FBN2: variants seen among roughly 807,000 people sequenced by gnomAD.
The protein encoded by FBN2 is fibrillin 2, also known as fibrillin-2.
A neutral mutation model predicts 355.6 loss-of-function variants in FBN2; 105 were observed. The observed-to-expected ratio is 0.30, with a 90% CI of 0.25 to 0.35. FBN2 has a LOEUF of 0.35. FBN2 is among the 10% of genes least tolerant of loss of function. The pLI is 1.00. For synonymous variants in FBN2, 1,350 were observed against 1,301.2 expected, an observed-to-expected ratio of 1.04 and a Z score of -0.81; for missense variants, 3,280 against 3,758.7, an observed-to-expected ratio of 0.87 and a Z score of 3.33.
Position 128,519,327 on chromosome 5 carries a change from C to T in FBN2, c.574G>A (p.Gly192Arg), listed in dbSNP as rs376398925. 23 of 1,613,800 alleles carry T rather than the reference C, an allele frequency of 1.4e-5. 1 individual carries two copies. Among genetic ancestry groups the T allele is most frequent in the South Asian group, 4.4e-5 (4 of 91,064 alleles). The change falls in exon 5 of 65, where the codon GGA (glycine) becomes AGA (arginine). Residue 192 changes from glycine to arginine, a missense_variant. Gly to Arg is a moderately radical substitution (Grantham distance 125). Coordinates refer to ENST00000262464, the MANE Select transcript of FBN2 (RefSeq NM_001999.4). ...NGCQNGGRCI[G>R]PNRCACVYGF... ...TAAACACAAGCACAGCGGTTGGGTC[C>T]GATGCAACGTCCACCATTCTGACAT...
chr5:128,287,477 T>C, intron 53 of FBN2, 47 bp from the exon 54 acceptor site: 2 of 1,609,098 alleles, frequency 1.2e-6, no homozygotes, highest in South Asian at 1.1e-5. Flanking sequence ...GAGTTCTAAT[T>C]ATTTGTGTAA....
chr5:128,528,692 T>C (rs1412010779), intron 3 of FBN2, among the ~76,000 whole-genome samples: 1 of 152,192 alleles, frequency 6.6e-6, no homozygotes, highest in African/African-American at 2.4e-5. Context: ...ACCAGCCAGC[T>C]AACACAGGGC....
intron 63 of FBN2, 30 bp from the exon 64 acceptor site, chr5:128,261,937 C>A (rs1163085488): frequency 6.3e-7 from 1 of 1,597,798 alleles, no homozygotes; most frequent in Admixed American, 1.7e-5. Context: ...TATTGTTAGA[C>A]TTTATCACTG....
intron 11 of FBN2, among the ~76,000 whole-genome samples, chr5:128,381,184 T>C (rs1333282985): frequency 6.6e-6 from 1 of 152,118 alleles, no homozygotes; most frequent in Non-Finnish European, 1.5e-5. Context: ...TAACAGCAGT[T>C]TGACTTATAC....
chr5:128,292,039 C>T (rs562895949), intron 48 of FBN2, among the ~76,000 whole-genome samples: 1 of 151,978 alleles, frequency 6.6e-6, no homozygotes, highest in Non-Finnish European at 1.5e-5. Flanking sequence ...CCCATGTCAC[C>T]CCTATTTCTC....
chr5:128,446,662 C>CT, intron 6 of FBN2, 56 bp from the exon 7 acceptor site: 49 of 1,570,740 alleles, frequency 3.1e-5, no homozygotes, highest in Middle Eastern at 1.7e-4. Context: ...AATATCTATA[C>CT]TTTTTTTTAC....
intron 54 of FBN2, among the ~76,000 whole-genome samples, chr5:128,287,070 T>A (rs1749174073): frequency 6.6e-6 from 1 of 152,184 alleles, no homozygotes; most frequent in Admixed American, 6.5e-5. Flanking sequence ...TTTGCCTTAA[T>A]AAGAATCCAA....
chr5:128,508,516 C>T lies in FBN2; in HGVS notation c.628+10757G>A, dbSNP rs530399983. Among the ~76,000 whole-genome samples the T allele has an allele frequency of 2.8e-4, 43 of 152,062 alleles. 1 individual carries two copies. In the South Asian group the frequency reaches 8.9e-3, roughly 32 times the overall value. On this transcript the variant is annotated intron_variant, in intron 5 of 64. Coordinates refer to ENST00000262464, the MANE Select transcript of FBN2 (RefSeq NM_001999.4). ...CTTGACATATAGTATAGGCACATCC[C>T]AGCCTCTGTGTATTGTTTTATTATT...
intron 36 of FBN2, among the ~76,000 whole-genome samples, chr5:128,313,874 A>C (rs1045661860): frequency 2.6e-5 from 4 of 151,490 alleles, no homozygotes; most frequent in Admixed American, 6.6e-5. Flanking sequence ...AAAAAAAAAA[A>C]AACATATCTG....
chr5:128,460,977 T>C (rs1297283270), intron 6 of FBN2, among the ~76,000 whole-genome samples: 2 of 152,004 alleles, frequency 1.3e-5, no homozygotes, highest in Admixed American at 6.6e-5. Context: ...CAAAAGCAAT[T>C]GCAACAAAAG....
chr5:128,359,435 C>G (rs558051554), intron 19 of FBN2, among the ~76,000 whole-genome samples: 15 of 151,986 alleles, frequency 9.9e-5, no homozygotes, highest in South Asian at 2.1e-4. Context: ...AGATTAGTAG[C>G]CTTCAAGTCT....
intron 34 of FBN2, among the ~76,000 whole-genome samples, chr5:128,324,395 T>A (rs1350521497): frequency 6.6e-6 from 1 of 152,198 alleles, no homozygotes; most frequent in Non-Finnish European, 1.5e-5. Flanking sequence ...TGATTTTAGA[T>A]CTTTCTTGCT....
intron 3 of FBN2, among the ~76,000 whole-genome samples, chr5:128,528,767 A>AT (rs1257186963): frequency 2.0e-5 from 3 of 152,212 alleles, no homozygotes; most frequent in African/African-American, 4.8e-5. Context: ...GAAAGGATTT[A>AT]AATGAGAAAG....
chr5:128,514,662 G>A (rs965754125), intron 5 of FBN2, among the ~76,000 whole-genome samples: 4 of 152,066 alleles, frequency 2.6e-5, no homozygotes, highest in Non-Finnish European at 5.9e-5. Context: ...ACACCCCAAA[G>A]CACGTATAAC....
intron 8 of FBN2, among the ~76,000 whole-genome samples, chr5:128,406,511 T>C (rs1162224921): frequency 2.6e-5 from 4 of 152,144 alleles, no homozygotes; most frequent in Non-Finnish European, 5.9e-5. Context: ...TTTATATATA[T>C]CTGAATTGCT....
chr5:128,324,625 T>C lies in FBN2; in HGVS notation c.4471+4071A>G, dbSNP rs1183786044. On this transcript the variant is annotated intron_variant, in intron 34 of 64. Coordinates refer to ENST00000262464, the MANE Select transcript of FBN2 (RefSeq NM_001999.4). Reference sequence around the variant, plus strand: ...GTGAGTTTGTTTTCTTTTTCTTTTTTTTTTTTTTTGAGATGGAGTCTCGCT... The same window carrying C: ...GTGAGTTTGTTTTCTTTTTCTTTTTCTTTTTTTTTGAGATGGAGTCTCGCT... Among the ~76,000 whole-genome samples the C allele has an allele frequency of 9.9e-5, 15 of 151,364 alleles. No individual in the cohort carries two copies. In the East Asian group the frequency reaches 1.4e-3, roughly 14 times the overall value.
At position 128,381,530 on chromosome 5, in the gene FBN2, T is replaced by C. The variant is rs1338362083; in HGVS notation, c.1604-2640A>G. Among the ~76,000 whole-genome samples, 4 of 152,258 alleles carry C rather than the reference T, an allele frequency of 2.6e-5. No homozygotes were observed. The East Asian group carries it at 5.8e-4, about 22-fold the overall frequency. ...TTAATATCCTCTTCACTTTTTCTGA[T>C]GTGTTGTTTATAAATTCAATTTGTT... On this transcript the variant is annotated intron_variant, in intron 11 of 64. Transcript: ENST00000262464.
chr5:128,510,202 G>T (rs1263016398), intron 5 of FBN2, among the ~76,000 whole-genome samples: 1 of 152,104 alleles, frequency 6.6e-6, no homozygotes, highest in Non-Finnish European at 1.5e-5. Flanking sequence ...ACTGGAAGAA[G>T]AATTGTCTTG....
intron 5 of FBN2, among the ~76,000 whole-genome samples, chr5:128,482,862 G>A (rs182763231): frequency 1.1e-3 from 164 of 152,214 alleles, no homozygotes; most frequent in African/African-American, 3.8e-3. Flanking sequence ...TTACCAAGAT[G>A]TGAGACCAGC....
Sources: allele counts gnomAD v4.1 joint callset (sites outside exome capture counted in the v4.1 genomes callset), GRCh38; gene constraint gnomAD v4.1.1; transcripts MANE v1.5; gene names NCBI Gene and HGNC (gene_info 2026-07-23, HGNC 2026-07-21).